Variants in CTNND1 observed in about 807,000 individuals in gnomAD.
CTNND1 encodes catenin delta-1.
In CTNND1, 16 loss-of-function variants were observed where a neutral mutation model predicts 112.1. The observed-to-expected ratio is 0.14, with a 90% CI of 0.10 to 0.22. The LOEUF (loss-of-function observed/expected upper bound fraction) is 0.22. Ranked by LOEUF, CTNND1 falls within the 10% of genes least tolerant of loss-of-function variation. CTNND1 has a pLI of 1.00. For missense variants in CTNND1, 1,008 were observed against 1,257.0 expected (o/e 0.80, Z 3.00); for synonymous variants, 420 against 446.5 (o/e 0.94, Z 0.75).
intron 1 of CTNND1, among the ~76,000 whole-genome samples, chr11:57,770,150 T>C (rs1382465990): frequency 6.6e-6 from 1 of 151,468 alleles, no homozygotes; most frequent in African/African-American, 2.4e-5. Flanking sequence ...GCCAAAATGG[T>C]GAAACCCTGT....
At chr11:57,793,082 ATTTTTAACTTCTGCTTAG>A (rs1412021984) in intron 3 of CTNND1, 2 of 152,088 alleles carry the variant, frequency 1.3e-5, no homozygotes, top group African/African-American at 4.8e-5. Context: ...TTGCTCTCTT[ATTTTTAACTTCTGCTTAG>A]CAGTAAAACC....
intron 1 of CTNND1, among the ~76,000 whole-genome samples, chr11:57,778,749 T>C (rs1381898104): frequency 6.6e-6 from 1 of 152,204 alleles, no homozygotes; most frequent in East Asian, 1.9e-4. Context: ...TGTGGTCTGG[T>C]GCTACTGTGA....
intron 9 of CTNND1, among the ~76,000 whole-genome samples, chr11:57,805,118 C>T (rs1383299032): frequency 1.3e-5 from 2 of 151,512 alleles, no homozygotes; most frequent in African/African-American, 4.8e-5. Flanking sequence ...TGGCTGGTCT[C>T]AAACTCTTGA....
chr11:57,808,473 G>A lies in CTNND1; in HGVS notation c.2175G>A (p.Arg725=), dbSNP rs2062967375. 2 of 1,612,834 alleles carry A rather than the reference G, an allele frequency of 1.2e-6. No individual in the cohort carries two copies. Among genetic ancestry groups the A allele is most frequent in the Non-Finnish European group, 1.7e-6 (2 of 1,179,468 alleles). The part of the protein sequence containing the change: ...IADLLTNEHE[R]VVKAASGALR... The stretch of plus-strand genomic sequence containing the variant: ...ACCTCCTGACTAATGAACATGAACG[G>A]GTGGTGAAAGCTGCATCTGGAGCAC... The change falls in exon 14 of 21, where the codon CGG becomes CGA. Residue 725 remains arginine (R), a synonymous_variant. Coordinates refer to ENST00000399050, the MANE Select transcript of CTNND1 (RefSeq NM_001085458.2).
At chr11:57,765,178 G>T (rs1950753402) in intron 1 of CTNND1, among the ~76,000 whole-genome samples, 1 of 152,172 alleles carries the variant, frequency 6.6e-6, no homozygotes, top group South Asian at 2.1e-4. Flanking sequence ...CTTGTAGGAG[G>T]TAGTTCAGAT....
chr11:57,789,689 A>AG (rs1248982231), intron 2 of CTNND1, among the ~76,000 whole-genome samples: 1 of 151,500 alleles, frequency 6.6e-6, no homozygotes, highest in Non-Finnish European at 1.5e-5. Flanking sequence ...AAAAAAAAAA[A>AG]TCTCATAATG....
At chr11:57,813,510 A>G (rs1347889726) in intron 17 of CTNND1, among the ~76,000 whole-genome samples, 1 of 152,256 alleles carries the variant, frequency 6.6e-6, no homozygotes, top group East Asian at 1.9e-4. Flanking sequence ...TTGATCCGTT[A>G]AAAGTGCAAG....
chr11:57,799,990 T>G (rs949436406), intron 6 of CTNND1, among the ~76,000 whole-genome samples: 1 of 143,592 alleles, frequency 7.0e-6, no homozygotes, highest in South Asian at 2.3e-4. Context: ...TTTTTTTTTT[T>G]TTTTTTTTTT....
At chr11:57,781,639 G>T (rs1335093382) in intron 1 of CTNND1, 2 of 152,214 alleles carry the variant, frequency 1.3e-5, no homozygotes, top group African/African-American at 4.8e-5. Context: ...GGTTGCACAG[G>T]GATCCAGGTA....
intron 15 of CTNND1, among the ~76,000 whole-genome samples, 181 bp from the exon 16 acceptor site, chr11:57,809,928 C>T (rs1029736645): frequency 6.6e-6 from 1 of 152,152 alleles, no homozygotes; most frequent in Non-Finnish European, 1.5e-5. Flanking sequence ...CCAAGATGGT[C>T]TCCATCTCCT....
Position 57,816,669 on chromosome 11 carries a change from C to T in CTNND1, c.*361C>T, listed in dbSNP as rs1164406888. ...GAGAATAGGAATCTTCACTAGAAGC[C>T]GTGGGAAGAATTGGAAGTTACATGC... On this transcript the variant is annotated 3_prime_UTR_variant, in exon 21 of 21. Coordinates refer to ENST00000399050, the MANE Select transcript of CTNND1 (RefSeq NM_001085458.2). 5 of 334,238 alleles carry T rather than the reference C, an allele frequency of 1.5e-5. No homozygotes were observed. Among genetic ancestry groups the T allele is most frequent in the East Asian group, 6.4e-5 (1 of 15,740 alleles). 20.7% of individuals were successfully genotyped at this position (334,238 alleles called of 1,614,324 possible).
chr11:57,778,097 C>T (rs1172604217), intron 1 of CTNND1, among the ~76,000 whole-genome samples: 1 of 152,124 alleles, frequency 6.6e-6, no homozygotes, highest in Admixed American at 6.5e-5. Context: ...TCTTTGCCGC[C>T]AGGATTTGGC....
At chr11:57,762,516 CT>C (rs1017160931) in intron 1 of CTNND1, among the ~76,000 whole-genome samples, 7 of 151,954 alleles carry the variant, frequency 4.6e-5, no homozygotes, top group Middle Eastern at 3.4e-3. Context: ...ATGTTTAAAA[CT>C]TTTTTTTTCT....
At chr11:57,762,458 A>G (rs951808230) in intron 1 of CTNND1, among the ~76,000 whole-genome samples, 1 of 152,212 alleles carries the variant, frequency 6.6e-6, no homozygotes, top group African/African-American at 2.4e-5. Context: ...GTGGGTTGGG[A>G]AAGAAATTTG....
At chr11:57,796,083 G>C (rs2061328887) in intron 5 of CTNND1, among the ~76,000 whole-genome samples, 2 of 152,054 alleles carry the variant, frequency 1.3e-5, no homozygotes, top group African/African-American at 2.4e-5. Flanking sequence ...CTTTTGGAGT[G>C]GTATAGAATT....
chr11:57,805,470 C>T lies in CTNND1; in HGVS notation c.1723-412C>T, dbSNP rs1326094271. Among the ~76,000 whole-genome samples, 3 of 150,486 alleles carry T rather than the reference C, an allele frequency of 2.0e-5. No individual in the cohort carries two copies. The East Asian group carries it at 6.0e-4, about 30-fold the overall frequency. On this transcript the variant is annotated intron_variant, in intron 9 of 20. Coordinates refer to ENST00000399050, the MANE Select transcript of CTNND1 (RefSeq NM_001085458.2). ...GTTGGTCAGGCTGGTTTTGAACTCC[C>T]GACCTCAGGTGATCCACCCGCCTCG...
chr11:57,777,418 C>T (rs746771327), intron 1 of CTNND1, among the ~76,000 whole-genome samples: 6 of 152,126 alleles, frequency 3.9e-5, no homozygotes, highest in Admixed American at 1.3e-4. Flanking sequence ...TACAGGTGTG[C>T]TCCACCATGC....
chr11:57,814,431 C>G lies in CTNND1; in HGVS notation c.2701+58C>G, dbSNP rs1156414231. The stretch of plus-strand genomic sequence containing the variant: ...GTAATATTTCACTGGCTAAGGAGAG[C>G]TGTCTAGCTCTATAGTTTTTTTTCT... On this transcript the variant is annotated intron_variant, in intron 18 of 20. Transcript: ENST00000399050. The G allele has an allele frequency of 1.6e-5, 21 of 1,315,108 alleles. No homozygotes were observed. In the East Asian group the frequency reaches 1.7e-4, roughly 10 times the overall value. 81.5% of individuals were successfully genotyped at this position (1,315,108 alleles called of 1,614,324 possible).
Position 57,816,017 on chromosome 11 carries a change from AC to A in CTNND1, c.2895+21del. ...CCCCTCCATGGTATGTCCTTCAGTC[AC>A]CCCCAAGATTGTTCTTGAGGAAGGA... is the stretch of plus-strand genomic sequence containing the variant. On this transcript the variant is annotated intron_variant, in intron 20 of 20. Coordinates refer to ENST00000399050, the MANE Select transcript of CTNND1 (RefSeq NM_001085458.2). 6 of 1,559,574 alleles carry A rather than the reference AC, an allele frequency of 3.8e-6. No individual in the cohort carries two copies. The highest frequency in any genetic ancestry group is 2.2e-5 in the Admixed American group (1 of 45,272).
Sources: gnomAD v4.1 joint callset for allele counts (sites outside exome capture counted in the v4.1 genomes callset) on GRCh38, gnomAD v4.1.1 for gene constraint, MANE v1.5 for transcripts, NCBI Gene and HGNC (gene_info 2026-07-23, HGNC 2026-07-21) for gene names.